Variants in TNRC6B observed in about 807,000 individuals in gnomAD.
TNRC6B encodes the protein trinucleotide repeat containing adaptor 6B.
Under a neutral mutation model 203.6 loss-of-function variants are expected in TNRC6B, and 52 were observed. The observed-to-expected ratio is 0.26, with a 90% CI of 0.20 to 0.32. TNRC6B has a LOEUF of 0.32. Ranked by LOEUF, TNRC6B falls within the 10% of genes least tolerant of loss-of-function variation. The pLI, the probability that TNRC6B is intolerant of heterozygous loss-of-function variation, is 1.00. For missense variants in TNRC6B, 1,923 were observed against 2,286.2 expected (o/e 0.84, Z 3.24); for synonymous variants, 838 against 845.7 (o/e 0.99, Z 0.16).
At position 40,251,220 on chromosome 22, in the gene TNRC6B, T is replaced by G. The variant is rs1158415456; in HGVS notation, c.115+20T>G. The G allele has an allele frequency of 1.1e-5, 17 of 1,515,432 alleles. No homozygotes were observed. Among genetic ancestry groups the G allele is most frequent in the Non-Finnish European group, 1.5e-5 (17 of 1,123,570 alleles). The allele number at this position is 1,515,432 out of a possible 1,614,324, so 93.9% of individuals were successfully genotyped here. A position where few individuals can be genotyped will look rare whatever the true frequency, so the allele number is the denominator to read the frequency against. ...CCAAAGGTAAGATCTTTTTTTTCTT[T>G]TTAAATTATTTAGAACCTTTTGTGT... On this transcript the variant is annotated intron_variant, in intron 3 of 22. Coordinates refer to ENST00000454349, the MANE Select transcript of TNRC6B (RefSeq NM_001162501.2).
intron 1 of TNRC6B, among the ~76,000 whole-genome samples, chr22:40,206,412 G>A (rs1279783704): frequency 6.6e-6 from 1 of 152,140 alleles, no homozygotes; most frequent in Non-Finnish European, 1.5e-5. Flanking sequence ...GGGAGAAAAT[G>A]TAAAATTATA....
chr22:40,231,533 A>T (rs2069870118), intron 1 of TNRC6B, among the ~76,000 whole-genome samples: 1 of 152,060 alleles, frequency 6.6e-6, no homozygotes, highest in Admixed American at 6.5e-5. Flanking sequence ...ATCTTTTTTT[A>T]AAATTTCTAT....
chr22:40,246,141 G>T, intron 2 of TNRC6B, 39 bp downstream of exon 2: 1 of 1,445,338 alleles, frequency 6.9e-7, no homozygotes, highest in South Asian at 1.3e-5. Context: ...TTATCTGCTA[G>T]GCATCCAGCA....
At chr22:40,284,992 G>A (rs1174778813) in intron 11 of TNRC6B, among the ~76,000 whole-genome samples, 2 of 152,158 alleles carry the variant, frequency 1.3e-5, no homozygotes, top group Non-Finnish European at 2.9e-5. Context: ...AGGGAGTTCC[G>A]CTTATTTTTA....
At position 40,273,591 on chromosome 22, in the gene TNRC6B, A is replaced by T; in HGVS notation, c.3132A>T (p.Lys1044Asn). 1 of 1,575,556 alleles carries T rather than the reference A, an allele frequency of 6.3e-7. No homozygotes were observed. Residue 1044 changes from lysine (K) to asparagine (N), a missense_variant, in exon 7 of 23, where the codon AAA becomes AAT. Physicochemically the swap from Lys to Asn is moderately conservative, Grantham distance 94 (BLOSUM62 0). Coordinates refer to ENST00000454349, the MANE Select transcript of TNRC6B (RefSeq NM_001162501.2). Reference protein sequence around the residue: ...NSASWGQGGKKQMKCSLKGGN... With the variant: ...NSASWGQGGKNQMKCSLKGGN... ...CAAGCTGGGGACAAGGAGGAAAGAA[A>T]CAAATGAAGGTAGCCTGCTTAGAAA...
At chr22:40,045,393 G>A (rs1205941848) in intron 1 of TNRC6B, 1 of 151,108 alleles carries the variant, frequency 6.6e-6, no homozygotes, top group South Asian at 2.1e-4. Context: ...GTGTGAGCTG[G>A]GGGAGGGCTT....
At chr22:40,308,387 G>A in intron 15 of TNRC6B, 125 bp from the exon 16 acceptor site, 1 of 1,126,780 alleles carries the variant, frequency 8.9e-7, no homozygotes. Flanking sequence ...AAAAATACCT[G>A]TTTCTGAGTG....
At chr22:40,117,814 G>C (rs945061137) in intron 2 of TNRC6B, among the ~76,000 whole-genome samples, 3 of 151,980 alleles carry the variant, frequency 2.0e-5, no homozygotes, top group Non-Finnish European at 4.4e-5. Flanking sequence ...TGTATTCTAA[G>C]AGCACCTGTT....
chr22:40,319,155 A>G (rs1028211024), intron 21 of TNRC6B, among the ~76,000 whole-genome samples: 13 of 152,114 alleles, frequency 8.5e-5, no homozygotes, highest in African/African-American at 3.1e-4. Context: ...TAATTTTAAA[A>G]TGAAAGCTTC....
intron 1 of TNRC6B, among the ~76,000 whole-genome samples, chr22:40,187,126 A>G (rs1233940315): frequency 6.6e-6 from 1 of 152,222 alleles, no homozygotes; most frequent in Non-Finnish European, 1.5e-5. Flanking sequence ...CACTAGTCTC[A>G]TTGCAAGTGC....
At chr22:40,318,067 C>T (rs1403268067) in intron 21 of TNRC6B, among the ~76,000 whole-genome samples, 1 of 152,130 alleles carries the variant, frequency 6.6e-6, no homozygotes. Context: ...TTTTAATACG[C>T]TAACACATAT....
chr22:40,151,992 T>C (rs2068761721), intron 3 of TNRC6B, among the ~76,000 whole-genome samples: 1 of 151,994 alleles, frequency 6.6e-6, no homozygotes, highest in Non-Finnish European at 1.5e-5. Flanking sequence ...GTAGAGAAAA[T>C]GTCCCAAACC....
chr22:40,130,656 G>A (rs560932814), intron 3 of TNRC6B, among the ~76,000 whole-genome samples: 244 of 149,812 alleles, frequency 1.6e-3, no homozygotes, highest in African/African-American at 5.2e-3. Flanking sequence ...GCGAGGTGGC[G>A]GATGCCTGTA....
intron 1 of TNRC6B, among the ~76,000 whole-genome samples, chr22:40,089,393 C>G (rs1389096246): frequency 6.6e-6 from 1 of 151,996 alleles, no homozygotes. Flanking sequence ...CTACCACACC[C>G]AGCTAATTTT....
chr22:40,052,444 A>ATTT lies in TNRC6B; in HGVS notation c.-121+7471_-121+7473dup, dbSNP rs908013463. 1.2e-3 allele frequency among the ~76,000 whole-genome samples: 62 copies of ATTT among 51,858 alleles called. 2 individuals are homozygous for ATTT. The highest frequency in any genetic ancestry group is 2.0e-3 in the African/African-American group (23 of 11,250). The allele number at this position is 51,858 out of a possible 152,430, so 34.0% of individuals were successfully genotyped here. ...GCTTAATAGCAACGCTGTGTATTGT[A>ATTT]TTTTTTTTTTTTTTTTTTTTTTTTT... On this transcript the variant is annotated intron_variant, in intron 1 of 23. Coordinates refer to the TNRC6B transcript ENST00000301923.
At chr22:40,149,464 T>G (rs1333598250) in intron 3 of TNRC6B, among the ~76,000 whole-genome samples, 3 of 151,786 alleles carry the variant, frequency 2.0e-5, no homozygotes, top group Non-Finnish European at 2.9e-5. Flanking sequence ...GTCAGGAGTT[T>G]GAGACCAGCC....
intron 21 of TNRC6B, among the ~76,000 whole-genome samples, chr22:40,318,131 G>A (rs912959477): frequency 3.9e-5 from 6 of 152,158 alleles, no homozygotes; most frequent in Non-Finnish European, 8.8e-5. Flanking sequence ...CATTTGTAGG[G>A]AGTAAATCAC....
At chr22:40,050,572 C>T (rs999450054) in intron 1 of TNRC6B, among the ~76,000 whole-genome samples, 3 of 152,154 alleles carry the variant, frequency 2.0e-5, no homozygotes, top group Non-Finnish European at 4.4e-5. Context: ...GAAAGGCCCT[C>T]CTTTATGCTC....
Position 40,178,115 on chromosome 22 carries a change from A to T in TNRC6B, c.-21A>T. The T allele has an allele frequency of 6.2e-7, 1 of 1,612,468 alleles. No individual in the cohort carries two copies. The stretch of plus-strand genomic sequence containing the variant: ...TACCTTGTATGCCTCAATTTGCTGG[A>T]TTTAAGCACTGCTGCACTTTATGAG... On this transcript the variant is annotated 5_prime_UTR_variant, in exon 1 of 23. Transcript: ENST00000454349.
Sources: gnomAD v4.1 joint callset for allele counts (sites outside exome capture counted in the v4.1 genomes callset) on GRCh38, gnomAD v4.1.1 for gene constraint, MANE v1.5 for transcripts, NCBI Gene and HGNC (gene_info 2026-07-23, HGNC 2026-07-21) for gene names.